The following CCDC167 variants were observed in gnomAD, a reference collection of about 807,000 sequenced individuals.
CCDC167 encodes the protein coiled-coil domain-containing protein 167.
A neutral mutation model predicts 12.7 loss-of-function variants in CCDC167; 15 were observed. That is an observed-to-expected ratio of 1.18 (90% confidence interval 0.79 to 1.81). The LOEUF (loss-of-function observed/expected upper bound fraction) is 1.81, where lower values mean the gene tolerates loss of function less well. Ranked by LOEUF, CCDC167 falls within the 40% of genes most tolerant of loss-of-function variation. The pLI, the probability that CCDC167 is intolerant of heterozygous loss-of-function variation, is 0.00. For synonymous variants in CCDC167, 52 were observed against 49.0 expected, an observed-to-expected ratio of 1.06 and a Z score of -0.26; for missense variants, 121 against 120.1, an observed-to-expected ratio of 1.01 and a Z score of -0.03.
intron 1 of CCDC167, among the ~76,000 whole-genome samples, chr6:37,486,068 G>A (rs1202903858): frequency 5.3e-5 from 8 of 152,172 alleles, no homozygotes; most frequent in African/African-American, 1.9e-4. Flanking sequence ...TGGCTGGGGC[G>A]AGCCTGGGTG....
At chr6:37,492,995 C>A (rs1400962089) in intron 1 of CCDC167, among the ~76,000 whole-genome samples, 1 of 152,216 alleles carries the variant, frequency 6.6e-6, no homozygotes, top group East Asian at 1.9e-4. Flanking sequence ...AAACCTCCGC[C>A]CATGGCTCCC....
At chr6:37,496,156 G>A (rs1484631173) in intron 1 of CCDC167, among the ~76,000 whole-genome samples, 3 of 152,190 alleles carry the variant, frequency 2.0e-5, no homozygotes, top group Non-Finnish European at 2.9e-5. Flanking sequence ...AAATCCGGCC[G>A]AGTGTGGTGG....
intron 1 of CCDC167, among the ~76,000 whole-genome samples, chr6:37,490,358 G>T (rs1475778722): frequency 2.0e-5 from 3 of 152,170 alleles, no homozygotes; most frequent in African/African-American, 7.2e-5. Flanking sequence ...GGGAGACACA[G>T]AGCACAAAGG....
At chr6:37,495,234 T>C (rs1306026578) in intron 1 of CCDC167, among the ~76,000 whole-genome samples, 2 of 152,176 alleles carry the variant, frequency 1.3e-5, no homozygotes, top group African/African-American at 2.4e-5. Context: ...AACCAAGTTA[T>C]CCACTTTAGG....
chr6:37,485,019 G>T, intron 2 of CCDC167, 81 bp downstream of exon 2: 1 of 1,459,196 alleles, frequency 6.9e-7, no homozygotes, highest in Non-Finnish European at 9.5e-7. Flanking sequence ...TCTGCCTCAG[G>T]CCTACTTTGG....
Position 37,483,079 on chromosome 6 carries a change from G to T in CCDC167, c.*107C>A. The T allele has an allele frequency of 1.1e-6, 1 of 895,654 alleles. No individual in the cohort carries two copies. The highest frequency in any genetic ancestry group is 1.9e-6 in the Non-Finnish European group (1 of 536,800). 55.5% of individuals were successfully genotyped at this position (895,654 alleles called of 1,614,324 possible). On this transcript the variant is annotated 3_prime_UTR_variant, in exon 4 of 4. Coordinates refer to ENST00000373408, the MANE Select transcript of CCDC167 (RefSeq NM_138493.3). ...AAGCCATGCTTGAACACTAGGTTGGGAGGGGAACACCCCAGCACCTTGGTC... is the reference window on the plus strand; with the variant it reads ...AAGCCATGCTTGAACACTAGGTTGGTAGGGGAACACCCCAGCACCTTGGTC...
At chr6:37,493,232 T>C (rs934132124) in intron 1 of CCDC167, among the ~76,000 whole-genome samples, 2 of 152,314 alleles carry the variant, frequency 1.3e-5, no homozygotes, top group Middle Eastern at 6.8e-3. Context: ...CGAGCCAGCC[T>C]TGCAAGTTAG....
intron 1 of CCDC167, among the ~76,000 whole-genome samples, chr6:37,491,072 CCT>C (rs1326665239): frequency 6.6e-6 from 1 of 151,990 alleles, no homozygotes; most frequent in African/African-American, 2.4e-5. Context: ...GAGTGTAGGC[CCT>C]CTCAGAATCA....
chr6:37,483,586 A>G (rs1467880696), intron 3 of CCDC167, among the ~76,000 whole-genome samples: 2 of 152,188 alleles, frequency 1.3e-5, no homozygotes, highest in Non-Finnish European at 2.9e-5. Flanking sequence ...CACACCTGAA[A>G]GCCAAGCTAG....
At chr6:37,499,714 T>C (rs1327482025) in intron 1 of CCDC167, 108 bp downstream of exon 1, 7 of 1,266,814 alleles carry the variant, frequency 5.5e-6, no homozygotes, top group South Asian at 3.7e-5. Flanking sequence ...CGTCGCCCTC[T>C]CATCCTACGC....
intron 1 of CCDC167, among the ~76,000 whole-genome samples, chr6:37,490,555 A>G (rs1204297036): frequency 6.6e-6 from 1 of 152,198 alleles, no homozygotes; most frequent in Non-Finnish European, 1.5e-5. Context: ...GCTTCTCAGT[A>G]TCAGAGCCTG....
chr6:37,486,660 GTTAA>G (rs1761946706), intron 1 of CCDC167, among the ~76,000 whole-genome samples: 2 of 152,216 alleles, frequency 1.3e-5, no homozygotes, highest in Admixed American at 1.3e-4. Context: ...TAATTGCCTG[GTTAA>G]TTGTGTCGTT....
At chr6:37,489,819 T>G (rs981046815) in intron 1 of CCDC167, among the ~76,000 whole-genome samples, 1 of 152,304 alleles carries the variant, frequency 6.6e-6, no homozygotes, top group Admixed American at 6.5e-5. Flanking sequence ...GGAAGAGGCA[T>G]GCCTGGCTCA....
At chr6:37,495,903 A>G (rs1172305443) in intron 1 of CCDC167, among the ~76,000 whole-genome samples, 1 of 152,220 alleles carries the variant, frequency 6.6e-6, no homozygotes, top group Non-Finnish European at 1.5e-5. Flanking sequence ...TGCACATTCA[A>G]TACTCAGACC....
chr6:37,490,727 G>A (rs1323718145), intron 1 of CCDC167, among the ~76,000 whole-genome samples: 1 of 152,184 alleles, frequency 6.6e-6, no homozygotes, highest in Non-Finnish European at 1.5e-5. Flanking sequence ...GGCCTGAGGG[G>A]TGCTGGGGAC....
At chr6:37,495,751 T>C (rs985736636) in intron 1 of CCDC167, among the ~76,000 whole-genome samples, 5 of 152,238 alleles carry the variant, frequency 3.3e-5, no homozygotes, top group African/African-American at 1.2e-4. Flanking sequence ...GGAGACTGTT[T>C]GCAGGTGCTG....
At chr6:37,495,893 T>TG (rs1762091369) in intron 1 of CCDC167, among the ~76,000 whole-genome samples, 1 of 152,164 alleles carries the variant, frequency 6.6e-6, no homozygotes, top group South Asian at 2.1e-4. Flanking sequence ...TGAGCATCAG[T>TG]GCACATTCAA....
At chr6:37,490,180 C>T (rs989833780) in intron 1 of CCDC167, among the ~76,000 whole-genome samples, 1 of 152,190 alleles carries the variant, frequency 6.6e-6, no homozygotes, top group Non-Finnish European at 1.5e-5. Context: ...TCTGGCCCAG[C>T]CTGAGCCCTG....
intron 1 of CCDC167, among the ~76,000 whole-genome samples, chr6:37,497,754 TC>T (rs1458892074): frequency 6.6e-6 from 1 of 151,704 alleles, no homozygotes; most frequent in African/African-American, 2.4e-5. Flanking sequence ...AGAGGCTGTG[TC>T]GGGGGAAGGT....
Sources: allele counts gnomAD v4.1 joint callset (sites outside exome capture counted in the v4.1 genomes callset), GRCh38; gene constraint gnomAD v4.1.1; transcripts MANE v1.5; gene names NCBI Gene and HGNC (gene_info 2026-07-23, HGNC 2026-07-21).